Variants in GNG7 observed in about 807,000 individuals in gnomAD.
GNG7 encodes the protein G protein subunit gamma 7.
A neutral mutation model predicts 4.0 loss-of-function variants in GNG7; 1 was observed. The observed-to-expected ratio is 0.25, with a 90% CI of 0.09 to 1.18. The LOEUF (loss-of-function observed/expected upper bound fraction) is 1.18, where lower values mean the gene tolerates loss of function less well. GNG7 is among the 50% of genes most tolerant of loss of function. The pLI is 0.50. For missense variants in GNG7, 86 were observed against 91.9 expected, an observed-to-expected ratio of 0.94 and a Z score of 0.26; for synonymous variants, 34 against 36.9, an observed-to-expected ratio of 0.92 and a Z score of 0.29.
intron 3 of GNG7, among the ~76,000 whole-genome samples, chr19:2,537,007 T>C (rs1166333911): frequency 6.6e-6 from 1 of 151,642 alleles, no homozygotes; most frequent in Non-Finnish European, 1.5e-5. Flanking sequence ...AGTGCAGTGG[T>C]GTGATCTCTG....
intron 3 of GNG7, among the ~76,000 whole-genome samples, chr19:2,551,719 T>G (rs1979339604): frequency 8.6e-6 from 1 of 116,332 alleles, no homozygotes; most frequent in African/African-American, 3.7e-5. Context: ...AGTCTCGCTC[T>G]GGCCCCCAGG....
chr19:2,531,543 C>T (rs553793334), intron 3 of GNG7, among the ~76,000 whole-genome samples: 212 of 152,044 alleles, frequency 1.4e-3, no homozygotes, highest in Middle Eastern at 3.4e-3. Flanking sequence ...AGGCCGGGCG[C>T]GGTGGCTCAC....
In GNG7 at chr19:2,636,125, G is replaced by A. The variant is rs145341926; in HGVS notation, c.-78+10099C>T. ...ACAGAGTCTGCTCTCTGCTCACACC[G>A]GACACCAGAATAAACTCCCAAAGGG... On this transcript the variant is annotated intron_variant, in intron 2 of 4. Transcript: ENST00000382159. Among the ~76,000 whole-genome samples the A allele has an allele frequency of 6.0e-3, 908 of 152,156 alleles. 11 individuals carry two copies. Among genetic ancestry groups the A allele is most frequent in the African/African-American group, 0.021 (859 of 41,484 alleles).
At chr19:2,529,107 G>A (rs1050169098) in intron 3 of GNG7, among the ~76,000 whole-genome samples, 2 of 152,246 alleles carry the variant, frequency 1.3e-5, no homozygotes. Context: ...AGAGACCTGG[G>A]CAGAGCTGGA....
rs59658349 is a variant in GNG7, at chr19:2,593,928, C to CAAAAAA, written c.-77-38746_-77-38741dup. ...AGAGGCAGGCCGAAATATTTGATGC[C>CAAAAAA]AAAAAAAAAAAAAAACTTTCTTACC... On this transcript the variant is annotated intron_variant, in intron 2 of 4. Transcript: ENST00000382159. Among the ~76,000 whole-genome samples the CAAAAAA allele has an allele frequency of 1.2e-4, 16 of 134,554 alleles. 1 individual carries two copies. Among genetic ancestry groups the CAAAAAA allele is most frequent in the African/African-American group, 2.2e-4 (8 of 36,084 alleles). 88.3% of individuals were successfully genotyped at this position (134,554 alleles called of 152,430 possible).
intron 3 of GNG7, among the ~76,000 whole-genome samples, chr19:2,539,381 C>G (rs61131721): frequency 6.6e-6 from 1 of 151,228 alleles, no homozygotes; most frequent in African/African-American, 2.4e-5. Context: ...TCTCGGCTCA[C>G]TGCAACCTTT....
chr19:2,687,697 C>T (rs1437845665), intron 1 of GNG7, among the ~76,000 whole-genome samples: 12 of 151,058 alleles, frequency 7.9e-5, no homozygotes, highest in Admixed American at 2.6e-4. Context: ...ATCATGATGC[C>T]GGGCGCGGTG....
At chr19:2,598,923 C>T (rs1222533239) in intron 2 of GNG7, among the ~76,000 whole-genome samples, 2 of 152,140 alleles carry the variant, frequency 1.3e-5, no homozygotes. Flanking sequence ...TAACTTCCAG[C>T]TCACCTCAAG....
intron 2 of GNG7, among the ~76,000 whole-genome samples, chr19:2,607,220 C>A (rs370188596): frequency 7.3e-5 from 10 of 136,220 alleles, no homozygotes; most frequent in Admixed American, 2.2e-4. Context: ...GACCCTGTGT[C>A]AAAAAAAAAA....
intron 1 of GNG7, among the ~76,000 whole-genome samples, chr19:2,685,200 G>A (rs1260019012): frequency 6.6e-6 from 1 of 152,086 alleles, no homozygotes. Flanking sequence ...TGGGGAGTCT[G>A]TGCTTCATGA....
chr19:2,642,374 TTC>T (rs906218373), intron 2 of GNG7: 20 of 238,480 alleles, frequency 8.4e-5, no homozygotes, highest in Admixed American at 3.1e-4. Flanking sequence ...GGTTATTTGT[TTC>T]TGTTTTTTAG....
rs1446035897 is a variant in GNG7 at position 2,611,486 on chromosome 19, G to C, written c.-78+34738C>G. 6.6e-6 allele frequency: 1 copy of C among 152,238 alleles called. No homozygotes were observed. The highest frequency in any genetic ancestry group is 2.4e-5 in the African/African-American group (1 of 41,454). 9.4% of individuals were successfully genotyped at this position (152,238 alleles called of 1,614,324 possible). On this transcript the variant is annotated intron_variant, in intron 2 of 4. Coordinates refer to ENST00000382159, the MANE Select transcript of GNG7 (RefSeq NM_052847.3). This position sits in a 1 kb window ranked among gnomAD's most constrained non-coding sequence, Gnocchi z 6.0. ...CCTGCGTGGGGCTTGAAGGCAGGTG[G>C]GCAAGACGGTGCATAGCCCGAATCT...
intron 3 of GNG7, among the ~76,000 whole-genome samples, chr19:2,523,438 A>G (rs1389816087): frequency 6.6e-6 from 1 of 152,046 alleles, no homozygotes; most frequent in African/African-American, 2.4e-5. Flanking sequence ...CTGTGGTCCC[A>G]GCTACTTGGG....
At chr19:2,555,593 T>C (rs183739247) in intron 2 of GNG7, among the ~76,000 whole-genome samples, 2 of 152,214 alleles carry the variant, frequency 1.3e-5, no homozygotes, top group Admixed American at 1.3e-4. Context: ...ATTTCTACTT[T>C]TATGTAAGCC....
chr19:2,592,949 C>T (rs548692846), intron 2 of GNG7, among the ~76,000 whole-genome samples: 53 of 95,812 alleles, frequency 5.5e-4, no homozygotes, highest in African/African-American at 2.0e-3. Flanking sequence ...GAAGGAAGGA[C>T]GGAAGAAAGA....
At chr19:2,632,871 C>T (rs551208525) in intron 2 of GNG7, 1 of 152,242 alleles carries the variant, frequency 6.6e-6, no homozygotes, top group Non-Finnish European at 1.5e-5. Context: ...GAAGTCATTA[C>T]GAGGCTCATC....
Position 2,511,739 on chromosome 19 carries a change from G to A in GNG7, c.*3283C>T, listed in dbSNP as rs1239030230. 4.3e-6 allele frequency: 4 copies of A among 930,130 alleles called. No homozygotes were observed. The highest frequency in any genetic ancestry group is 5.1e-6 in the Non-Finnish European group (4 of 779,378). The allele number at this position is 930,130 out of a possible 1,614,324, so 57.6% of individuals were successfully genotyped here. Reference sequence around the variant, plus strand: ...GCCGGCCCGTCAAAGGGACCACGCAGAAGGAGGGAAACAGGAGCACCTTCC... The same window carrying A: ...GCCGGCCCGTCAAAGGGACCACGCAAAAGGAGGGAAACAGGAGCACCTTCC... On this transcript the variant is annotated 3_prime_UTR_variant, in exon 5 of 5. Transcript: ENST00000382159. The surrounding 1 kb of genome is among the most constrained non-coding windows in gnomAD (Gnocchi z 6.3).
intron 2 of GNG7, among the ~76,000 whole-genome samples, chr19:2,587,588 C>T (rs1980713285): frequency 1.3e-5 from 2 of 152,202 alleles, no homozygotes; most frequent in East Asian, 3.9e-4. Flanking sequence ...CGGCCACAAA[C>T]GGGCTTCAAA....
In GNG7 at chr19:2,609,793, T is replaced by C. The variant is rs1341974826; in HGVS notation, c.-78+36431A>G. Among the ~76,000 whole-genome samples, 1 of 152,130 alleles carries C rather than the reference T, an allele frequency of 6.6e-6. No homozygotes were observed. The highest frequency in any genetic ancestry group is 2.4e-5 in the African/African-American group (1 of 41,426). ...GCTCACAGCTGCAGACTGGCCACCG[T>C]AGGACAATCCAGTGGGACCTGGGGG... On this transcript the variant is annotated intron_variant, in intron 2 of 4. Coordinates refer to ENST00000382159, the MANE Select transcript of GNG7 (RefSeq NM_052847.3). This position sits in a 1 kb window ranked among gnomAD's most constrained non-coding sequence, Gnocchi z 4.4.
Sources: gnomAD v4.1 joint callset for allele counts (sites outside exome capture counted in the v4.1 genomes callset) on GRCh38, gnomAD v4.1.1 for gene constraint, Gnocchi (gnomAD v3.1) non-coding constraint, MANE v1.5 for transcripts, NCBI Gene and HGNC (gene_info 2026-07-23, HGNC 2026-07-21) for gene names.